PIK3R4: variants seen among roughly 807,000 people sequenced by gnomAD.
The protein encoded by PIK3R4 is phosphoinositide-3-kinase regulatory subunit 4.
A neutral mutation model predicts 136.5 loss-of-function variants in PIK3R4; 46 were observed. The observed-to-expected ratio is 0.34, with a 90% confidence interval of 0.27 to 0.43. The LOEUF is 0.43. Among genes scored for constraint, PIK3R4 ranks in the 20% least tolerant of loss-of-function variants. PIK3R4 has a pLI of 1.00. For synonymous variants in PIK3R4, 557 were observed against 566.7 expected (o/e 0.98, Z 0.24); for missense variants, 1,331 against 1,649.5 (o/e 0.81, Z 3.35).
intron 6 of PIK3R4, among the ~76,000 whole-genome samples, chr3:130,724,227 T>C (rs2066719304): frequency 6.6e-6 from 1 of 152,184 alleles, no homozygotes; most frequent in African/African-American, 2.4e-5. Context: ...TTTATTACTT[T>C]TCTTTCTAAA....
intron 6 of PIK3R4, among the ~76,000 whole-genome samples, chr3:130,727,445 G>A (rs1487918298): frequency 3.3e-5 from 5 of 152,090 alleles, no homozygotes; most frequent in Non-Finnish European, 7.4e-5. Context: ...GGATGGTCTC[G>A]ATCTCCTAAC....
At chr3:130,719,985 T>C (rs1379189924) in intron 7 of PIK3R4, among the ~76,000 whole-genome samples, 1 of 152,110 alleles carries the variant, frequency 6.6e-6, no homozygotes, top group African/African-American at 2.4e-5. Context: ...ACAGACAACC[T>C]GGAGATGCAG....
Position 130,705,787 on chromosome 3 carries a change from A to C in PIK3R4, c.2722-16T>G, listed in dbSNP as rs1423809040. ...CTTCTGGAACCTACAAAACAAATAG[A>C]ATTCTAACTATTTACGTCGTAAGCA... On this transcript the variant is annotated splice_polypyrimidine_tract_variant and intron_variant, in intron 11 of 19. Transcript: ENST00000356763. 8 of 1,469,618 alleles carry C rather than the reference A, an allele frequency of 5.4e-6. No individual in the cohort carries two copies. Among genetic ancestry groups the C allele is most frequent in the Non-Finnish European group, 6.7e-6 (7 of 1,050,052 alleles). 91.0% of individuals were successfully genotyped at this position (1,469,618 alleles called of 1,614,324 possible). A position where few individuals can be genotyped will look rare whatever the true frequency, so the allele number is the denominator to read the frequency against.
chr3:130,731,641 A>G lies in PIK3R4; in HGVS notation c.1451-1199T>C, dbSNP rs140658321. 4.5e-4 allele frequency among the ~76,000 whole-genome samples: 68 copies of G among 152,220 alleles called. No individual in the cohort carries two copies. In the East Asian group the frequency reaches 0.013, roughly 29 times the overall value. On this transcript the variant is annotated intron_variant, in intron 4 of 19. Transcript: ENST00000356763. ...GCACCTCTAAAGTCTGAGTAGATCTATGCTTATTTCCCCTTTTAAGTCCAT... is the reference window on the plus strand; with the variant it reads ...GCACCTCTAAAGTCTGAGTAGATCTGTGCTTATTTCCCCTTTTAAGTCCAT...
At chr3:130,703,608 C>T (rs2066591388) in intron 13 of PIK3R4, 115 bp downstream of exon 13, 1 of 705,426 alleles carries the variant, frequency 1.4e-6, no homozygotes, top group Non-Finnish European at 2.4e-6. Flanking sequence ...GATTTTTGTC[C>T]ATTTATTGTT....
chr3:130,709,302 C>T (rs10934954), intron 9 of PIK3R4, among the ~76,000 whole-genome samples: 31,278 of 151,962 alleles, frequency 0.21, 3,468 homozygotes, highest in South Asian at 0.36. Context: ...TGTCTTTCTT[C>T]CCAACCATCC....
At chr3:130,699,326 C>A (rs2066563952) in intron 13 of PIK3R4, among the ~76,000 whole-genome samples, 1 of 152,028 alleles carries the variant, frequency 6.6e-6, no homozygotes, top group Non-Finnish European at 1.5e-5. Context: ...AAAGATGGGC[C>A]CTGAAAACAG....
intron 12 of PIK3R4, among the ~76,000 whole-genome samples, chr3:130,704,730 C>T (rs2066596931): frequency 6.6e-6 from 1 of 152,138 alleles, no homozygotes; most frequent in African/African-American, 2.4e-5. Flanking sequence ...GCTTTTAAGT[C>T]TTAACAGAAT....
intron 2 of PIK3R4, among the ~76,000 whole-genome samples, chr3:130,737,189 C>T (rs2066790740): frequency 6.6e-6 from 1 of 152,186 alleles, no homozygotes; most frequent in African/African-American, 2.4e-5. Flanking sequence ...TAATGCCTTT[C>T]TTGATTGCCG....
rs187108312 is a variant in PIK3R4 at position 130,740,512 on chromosome 3, C to T, written c.733+3974G>A. On this transcript the variant is annotated intron_variant, in intron 2 of 19. Transcript: ENST00000356763. ...AGCACTCAGGGAGGCCAAGGGGGCG[C>T]GGATCACTTGAGGCCAGAAGTTTAA... is the stretch of plus-strand genomic sequence containing the variant. Among the ~76,000 whole-genome samples, 30 of 152,072 alleles carry T rather than the reference C, an allele frequency of 2.0e-4. No individual in the cohort carries two copies. The East Asian group carries it at 3.5e-3, about 18-fold the overall frequency.
chr3:130,729,784 T>C (rs889984069), intron 5 of PIK3R4, among the ~76,000 whole-genome samples: 16 of 152,314 alleles, frequency 1.1e-4, no homozygotes, highest in African/African-American at 3.8e-4. Flanking sequence ...ACTTTACTTC[T>C]AAATCTTTTA....
In PIK3R4 at chr3:130,701,499, G is replaced by A. The variant is rs111428955; in HGVS notation, c.3098+2224C>T. 9.3e-3 allele frequency among the ~76,000 whole-genome samples: 1,385 copies of A among 149,488 alleles called. 10 individuals are homozygous for A. Among genetic ancestry groups the A allele is most frequent in the Non-Finnish European group, 0.014 (915 of 67,550 alleles). ...TGTACTCCATCCTGGGCAACAGAGC[G>A]AGACTGTCTCAAAAAAAAAAAAAGG... On this transcript the variant is annotated intron_variant, in intron 13 of 19. Coordinates refer to ENST00000356763, the MANE Select transcript of PIK3R4 (RefSeq NM_014602.3).
Position 130,739,368 on chromosome 3 carries a change from G to A in PIK3R4, c.734-3366C>T, listed in dbSNP as rs146888024. 7.9e-3 allele frequency among the ~76,000 whole-genome samples: 1,188 copies of A among 151,162 alleles called. 16 individuals carry two copies. Among genetic ancestry groups the A allele is most frequent in the African/African-American group, 0.027 (1,119 of 41,116 alleles). On this transcript the variant is annotated intron_variant, in intron 2 of 19. Transcript: ENST00000356763. The stretch of plus-strand genomic sequence containing the variant: ...TGGGATTACAGGCGTGAGCGACCGC[G>A]CTGGCCTTTTGTTTGTTTTTTGATA...
chr3:130,705,667 A>G lies in PIK3R4; in HGVS notation c.2826T>C (p.Thr942=), dbSNP rs144146786. ...TTTGCTGGATGAGTTGCTGAAGTTC[A>G]GTTTTACAAGTTGTAATTCGAATCT... ...TYQIRITTCK[T]ELQQLIQQKR... The change falls in exon 12 of 20, where the codon ACT becomes ACC. Residue 942 remains threonine (T), a synonymous_variant. Coordinates refer to ENST00000356763, the MANE Select transcript of PIK3R4 (RefSeq NM_014602.3). 9 of 1,612,520 alleles carry G rather than the reference A, an allele frequency of 5.6e-6. No individual in the cohort carries two copies. Among genetic ancestry groups the G allele is most frequent in the Non-Finnish European group, 7.6e-6 (9 of 1,178,664 alleles).
intron 14 of PIK3R4, 38 bp downstream of exon 14, chr3:130,690,452 C>A: frequency 1.3e-6 from 2 of 1,529,176 alleles, no homozygotes; most frequent in South Asian, 2.4e-5. Flanking sequence ...CTGTAGTGCA[C>A]TAAATACAAT....
intron 13 of PIK3R4, among the ~76,000 whole-genome samples, chr3:130,702,511 GTTT>G (rs767120133): frequency 6.6e-6 from 1 of 152,160 alleles, no homozygotes; most frequent in Non-Finnish European, 1.5e-5. Context: ...ATATTTTGTT[GTTT>G]GATGATTTTG....
At position 130,679,166 on chromosome 3, in the gene PIK3R4, T is replaced by G; in HGVS notation, c.*149A>C. ...CTAGTCAAGTACATCTTAACCATTT[T>G]GGGTGTCATTTAGTCAGTCAGTCAT... On this transcript the variant is annotated 3_prime_UTR_variant, in exon 20 of 20. Coordinates refer to ENST00000356763, the MANE Select transcript of PIK3R4 (RefSeq NM_014602.3). 1 of 435,092 alleles carries G rather than the reference T, an allele frequency of 2.3e-6. No homozygotes were observed. The highest frequency in any genetic ancestry group is 3.6e-5 in the East Asian group (1 of 27,702). The allele number at this position is 435,092 out of a possible 1,614,324, so 27.0% of individuals were successfully genotyped here.
intron 2 of PIK3R4, among the ~76,000 whole-genome samples, chr3:130,737,652 T>A (rs774134087): frequency 6.6e-6 from 1 of 152,112 alleles, no homozygotes; most frequent in Non-Finnish European, 1.5e-5. Context: ...AGAGCCAGAC[T>A]CTGTCTCAAA....
rs771536640 is a variant in PIK3R4, at chr3:130,728,444, T to G, written c.1807+19A>C. 6.5e-7 allele frequency: 1 copy of G among 1,535,270 alleles called. No homozygotes were observed. The highest frequency in any genetic ancestry group is 2.3e-5 in the East Asian group (1 of 43,690). ...GGATGATTAAAAATCTTAAAGGAAT[T>G]TAAAAGCAAAAAACATACCAACTAT... On this transcript the variant is annotated intron_variant, in intron 6 of 19. Transcript: ENST00000356763.
Sources: gnomAD v4.1 joint callset for allele counts (sites outside exome capture counted in the v4.1 genomes callset) on GRCh38, gnomAD v4.1.1 for gene constraint, MANE v1.5 for transcripts, NCBI Gene and HGNC (gene_info 2026-07-23, HGNC 2026-07-21) for gene names.